RASGEF1C: variants seen among roughly 807,000 people sequenced by gnomAD.
RASGEF1C encodes the protein RasGEF domain family member 1C.
In RASGEF1C, 27 loss-of-function variants were observed where a neutral mutation model predicts 58.1. That is an observed-to-expected ratio of 0.46 (90% CI 0.34 to 0.64). RASGEF1C has a LOEUF of 0.64. RASGEF1C is among the 30% of genes least tolerant of loss of function. The pLI, the probability that RASGEF1C is intolerant of heterozygous loss-of-function variation, is 0.01. For synonymous variants in RASGEF1C, 243 were observed against 246.3 expected, an observed-to-expected ratio of 0.99 and a Z score of 0.13; for missense variants, 502 against 605.1, an observed-to-expected ratio of 0.83 and a Z score of 1.79.
At chr5:180,201,619 A>G (rs35222329) in intron 1 of RASGEF1C, among the ~76,000 whole-genome samples, 6,322 of 152,340 alleles carry the variant, frequency 0.041, 205 homozygotes, top group African/African-American at 0.091. Flanking sequence ...CAAAGGGAAA[A>G]ACCACACGCA....
rs959862980 is a variant in RASGEF1C at position 180,198,847 on chromosome 5, C to G, written c.-7+10181G>C. On this transcript the variant is annotated intron_variant, in intron 1 of 13. Transcript: ENST00000361132. This position sits in a 1 kb window ranked among gnomAD's most constrained non-coding sequence, Gnocchi z 4.5. Reference sequence around the variant, plus strand: ...TTAGGGGGTCCTGCATGAAATGAGCCTGGCAAGGACCTTTGCCAAGAGTAG... The same window carrying G: ...TTAGGGGGTCCTGCATGAAATGAGCGTGGCAAGGACCTTTGCCAAGAGTAG... Among the ~76,000 whole-genome samples the G allele has an allele frequency of 1.3e-5, 2 of 152,128 alleles. No homozygotes were observed. The highest frequency in any genetic ancestry group is 4.8e-5 in the African/African-American group (2 of 41,422).
Position 180,198,551 on chromosome 5 carries a change from T to C in RASGEF1C, c.-7+10477A>G, listed in dbSNP as rs1239111078. Among the ~76,000 whole-genome samples, 1 of 152,286 alleles carries C rather than the reference T, an allele frequency of 6.6e-6. No individual in the cohort carries two copies. Among genetic ancestry groups the C allele is most frequent in the East Asian group, 1.9e-4 (1 of 5,172 alleles). On this transcript the variant is annotated intron_variant, in intron 1 of 13. Coordinates refer to ENST00000361132, the MANE Select transcript of RASGEF1C (RefSeq NM_175062.4). This position sits in a 1 kb window ranked among gnomAD's most constrained non-coding sequence, Gnocchi z 4.5. Reference sequence around the variant, plus strand: ...AAGTTGCTCTCTGCTCCACAGAGGGTGCCTCCCTCCTGCATCTTCACATGG... The same window carrying C: ...AAGTTGCTCTCTGCTCCACAGAGGGCGCCTCCCTCCTGCATCTTCACATGG...
chr5:180,194,956 A>C (rs1437473707), intron 1 of RASGEF1C, among the ~76,000 whole-genome samples: 1 of 152,164 alleles, frequency 6.6e-6, no homozygotes, highest in Non-Finnish European at 1.5e-5. Context: ...TTGACAGGAA[A>C]ATCGGGAAAT....
chr5:180,118,969 A>C, intron 8 of RASGEF1C, 103 bp from the exon 9 acceptor site: 1 of 1,086,660 alleles, frequency 9.2e-7, no homozygotes, highest in Non-Finnish European at 1.4e-6. Context: ...TGAGGTCTGC[A>C]GGGCTCAGCC....
At chr5:180,129,942 C>T (rs1766336003) in intron 4 of RASGEF1C, among the ~76,000 whole-genome samples, 1 of 152,122 alleles carries the variant, frequency 6.6e-6, no homozygotes. Context: ...GAGGAGGTGC[C>T]CCTGAGGGGT....
At chr5:180,142,898 C>G (rs1267591607) in intron 1 of RASGEF1C, among the ~76,000 whole-genome samples, 1 of 152,238 alleles carries the variant, frequency 6.6e-6, no homozygotes. Context: ...GGGGCACGTG[C>G]CCCCGCTGTG....
chr5:180,163,216 C>T lies in RASGEF1C; in HGVS notation c.-6-25158G>A, dbSNP rs527499837. Among the ~76,000 whole-genome samples, 465 of 121,938 alleles carry T rather than the reference C, an allele frequency of 3.8e-3. 4 individuals are homozygous for T. The highest frequency in any genetic ancestry group is 6.6e-3 in the South Asian group (26 of 3,926). 80.0% of individuals were successfully genotyped at this position (121,938 alleles called of 152,430 possible). A position where few individuals can be genotyped will look rare whatever the true frequency, so the allele number is the denominator to read the frequency against. On this transcript the variant is annotated intron_variant, in intron 1 of 13. Coordinates refer to ENST00000361132, the MANE Select transcript of RASGEF1C (RefSeq NM_175062.4). ...TTCCAATCTGTAGGCTTCCCTTCCT[C>T]TCACCACCCCCTCACTTTTTTTTTT...
At chr5:180,111,826 C>T (rs1765964300) in intron 11 of RASGEF1C, among the ~76,000 whole-genome samples, 1 of 152,154 alleles carries the variant, frequency 6.6e-6, no homozygotes, top group Admixed American at 6.5e-5. Flanking sequence ...GCAAGTGATA[C>T]ATGTTTGTTG....
chr5:180,190,231 T>C (rs1292115267), intron 1 of RASGEF1C, among the ~76,000 whole-genome samples: 1 of 151,944 alleles, frequency 6.6e-6, no homozygotes, highest in Non-Finnish European at 1.5e-5. Context: ...CTCACGCCTG[T>C]AATCCCAGCA....
chr5:180,180,975 G>A (rs138578170), intron 1 of RASGEF1C, among the ~76,000 whole-genome samples: 3 of 152,302 alleles, frequency 2.0e-5, no homozygotes, highest in African/African-American at 7.2e-5. Context: ...ACTAGAAATG[G>A]GAGGGATCAC....
In RASGEF1C at chr5:180,137,441, C is replaced by G; in HGVS notation, c.300+149G>C. ...AGGTCCTGTTCTGCTCCTTCTGGCT[C>G]TGGGCCTCAGACAAGGTGGAAACAC... On this transcript the variant is annotated intron_variant, in intron 3 of 13. Transcript: ENST00000361132. This position sits in a 1 kb window ranked among gnomAD's most constrained non-coding sequence, Gnocchi z 4.1. 1.8e-6 allele frequency: 2 copies of G among 1,084,590 alleles called. No homozygotes were observed. Among genetic ancestry groups the G allele is most frequent in the Non-Finnish European group, 2.7e-6 (2 of 748,060 alleles). The allele number at this position is 1,084,590 out of a possible 1,614,324, so 67.2% of individuals were successfully genotyped here.
chr5:180,135,807 T>C (rs1344768547), intron 4 of RASGEF1C, among the ~76,000 whole-genome samples: 2 of 151,920 alleles, frequency 1.3e-5, no homozygotes, highest in Admixed American at 1.3e-4. Context: ...CAGGGGGAGG[T>C]CTTGTCCCCT....
chr5:180,113,017 G>A lies in RASGEF1C; in HGVS notation c.1179+1429C>T, dbSNP rs575965223. Among the ~76,000 whole-genome samples the A allele has an allele frequency of 4.8e-4, 48 of 100,084 alleles. 1 individual carries two copies. The highest frequency in any genetic ancestry group is 1.6e-3 in the African/African-American group (45 of 28,414). The allele number at this position is 100,084 out of a possible 152,430, so 65.7% of individuals were successfully genotyped here. A position where few individuals can be genotyped will look rare whatever the true frequency, so the allele number is the denominator to read the frequency against. On this transcript the variant is annotated intron_variant, in intron 11 of 13. Coordinates refer to ENST00000361132, the MANE Select transcript of RASGEF1C (RefSeq NM_175062.4). ...CGGAGGGATCCGGGCTGGACGGAGGGACCGGGGATGGACGGAGGGACCGGG... is the reference window on the plus strand; with the variant it reads ...CGGAGGGATCCGGGCTGGACGGAGGAACCGGGGATGGACGGAGGGACCGGG...
rs927819779 is a variant in RASGEF1C at position 180,197,029 on chromosome 5, G to A, written c.-7+11999C>T. Reference sequence around the variant, plus strand: ...GCTGGGTGTGCTGCCCGAGGCTGGCGTCGGTGAGGCTCCCCTCAGACCTCA... The same window carrying A: ...GCTGGGTGTGCTGCCCGAGGCTGGCATCGGTGAGGCTCCCCTCAGACCTCA... On this transcript the variant is annotated intron_variant, in intron 1 of 13. Transcript: ENST00000361132. The surrounding 1 kb of genome is among the most constrained non-coding windows in gnomAD (Gnocchi z 4.7). 4.6e-5 allele frequency among the ~76,000 whole-genome samples: 7 copies of A among 152,208 alleles called. No individual in the cohort carries two copies. Among genetic ancestry groups the A allele is most frequent in the African/African-American group, 7.2e-5 (3 of 41,446 alleles).
At chr5:180,113,041 G>C (rs1425147704) in intron 11 of RASGEF1C, among the ~76,000 whole-genome samples, 2 of 128,896 alleles carry the variant, frequency 1.6e-5, no homozygotes, top group African/African-American at 5.8e-5. Context: ...GGAGGGACCG[G>C]GGATGGACGG....
intron 1 of RASGEF1C, among the ~76,000 whole-genome samples, chr5:180,172,569 C>T (rs1347496696): frequency 6.6e-6 from 1 of 152,202 alleles, no homozygotes; most frequent in East Asian, 1.9e-4. Flanking sequence ...CAAAGCCTAG[C>T]CCCGGGTGTC....
At chr5:180,145,145 C>T (rs1199415282) in intron 1 of RASGEF1C, among the ~76,000 whole-genome samples, 5 of 152,036 alleles carry the variant, frequency 3.3e-5, no homozygotes, top group South Asian at 2.1e-4. Context: ...TATTTTGAGA[C>T]GGTCTCACTC....
At chr5:180,163,254 C>CTTTTTTTTTTTTTTGTTTTTTTTTTTT (rs1187829324) in intron 1 of RASGEF1C, among the ~76,000 whole-genome samples, 1 of 71,068 alleles carries the variant, frequency 1.4e-5, no homozygotes, top group Non-Finnish European at 2.5e-5. Context: ...TTTTTTTTTC[C>CTTTTTTTTTTTTTTGTTTTTTTTTTTT]AGCCTATTGC....
At chr5:180,114,601 C>T (rs759027881) in intron 10 of RASGEF1C, 60 bp from the exon 11 acceptor site, 53 of 1,513,454 alleles carry the variant, frequency 3.5e-5, no homozygotes, top group African/African-American at 4.1e-5. Flanking sequence ...GGCTCCAGGA[C>T]GGGGGGCAGC....
Sources: gnomAD v4.1 joint callset for allele counts (sites outside exome capture counted in the v4.1 genomes callset) on GRCh38, gnomAD v4.1.1 for gene constraint, Gnocchi (gnomAD v3.1) non-coding constraint, MANE v1.5 for transcripts, NCBI Gene and HGNC (gene_info 2026-07-23, HGNC 2026-07-21) for gene names.